Variants in DPP6 observed in about 807,000 individuals in gnomAD.
DPP6 encodes the protein dipeptidyl peptidase like 6.
DPP6 carries 69 observed loss-of-function variants against 122.6 expected under a neutral mutation model. That is an observed-to-expected ratio of 0.56 (90% confidence interval 0.46 to 0.69). The LOEUF (loss-of-function observed/expected upper bound fraction) is 0.69. DPP6 is among the 30% of genes least tolerant of loss of function. DPP6 has a pLI of 0.00. For missense variants in DPP6, 928 were observed against 1,116.9 expected (o/e 0.83, Z 2.41); for synonymous variants, 418 against 433.1 (o/e 0.97, Z 0.43).
intron 8 of DPP6, among the ~76,000 whole-genome samples, chr7:154,743,693 C>T (rs1842915015): frequency 6.6e-6 from 1 of 152,070 alleles, no homozygotes. Flanking sequence ...TCCAGGACCC[C>T]TGCATTACCA....
At chr7:154,313,712 T>TACATATATATATATATATATACGC (rs1554515586) in intron 1 of DPP6, among the ~76,000 whole-genome samples, 4 of 24,914 alleles carry the variant, frequency 1.6e-4, no homozygotes, top group African/African-American at 4.2e-4. Context: ...TATATATATA[T>TACATATATATATATATATATACGC]ATACACACAC....
intron 12 of DPP6, among the ~76,000 whole-genome samples, chr7:154,797,351 A>G (rs146755732): frequency 2.6e-5 from 4 of 152,238 alleles, no homozygotes; most frequent in African/African-American, 4.8e-5. Context: ...AATATTATAC[A>G]TATGTATGTG....
At chr7:154,235,108 T>C (rs79044305) in intron 1 of DPP6, among the ~76,000 whole-genome samples, 2,926 of 152,340 alleles carry the variant, frequency 0.019, 98 homozygotes, top group African/African-American at 0.067. Context: ...AATTGTGTAA[T>C]CATCACCACA....
At chr7:153,827,931 A>C in the DPP6 span, among the ~76,000 whole-genome samples, 1 of 152,328 alleles carries the variant, frequency 6.6e-6, no homozygotes, top group South Asian at 2.1e-4. Flanking sequence ...GGAGCCTAGT[A>C]GAGTCGGGAT....
chr7:154,707,640 T>C (rs1840910087), intron 7 of DPP6, among the ~76,000 whole-genome samples: 1 of 152,174 alleles, frequency 6.6e-6, no homozygotes, highest in South Asian at 2.1e-4. Context: ...ATCTTAAACC[T>C]CTCATTGATC....
chr7:154,334,234 C>A (rs969302460), intron 1 of DPP6, among the ~76,000 whole-genome samples: 5 of 151,626 alleles, frequency 3.3e-5, no homozygotes, highest in Non-Finnish European at 4.4e-5. Flanking sequence ...TGAGTGCTAG[C>A]TTTTCCTGAT....
Position 154,727,814 on chromosome 7 carries a change from A to G in DPP6, c.810A>G (p.Lys270=), listed in dbSNP as rs1368760005. Reference sequence around the variant, plus strand: ...TCTACTACTGTGCACATGTCGGGAAACAGGCCATCCGTGTGGTCTCCACTG... The same window carrying G: ...TCTACTACTGTGCACATGTCGGGAAGCAGGCCATCCGTGTGGTCTCCACTG... ...NNIYYCAHVG[K]QAIRVVSTGK... Residue 270 remains lysine (K), a synonymous_variant, in exon 8 of 26, where the codon AAA becomes AAG. Coordinates refer to ENST00000377770, the MANE Select transcript of DPP6 (RefSeq NM_130797.4). The G allele has an allele frequency of 1.2e-6, 2 of 1,613,848 alleles. No individual in the cohort carries two copies. Among genetic ancestry groups the G allele is most frequent in the Non-Finnish European group, 1.7e-6 (2 of 1,179,874 alleles).
At chr7:154,753,809 G>C (rs543824436) in intron 8 of DPP6, among the ~76,000 whole-genome samples, 2 of 152,084 alleles carry the variant, frequency 1.3e-5, no homozygotes, top group African/African-American at 4.8e-5. Context: ...TCCAAGAAGC[G>C]GCATGCGGAC....
At chr7:154,327,032 G>A (rs938798088) in intron 1 of DPP6, among the ~76,000 whole-genome samples, 58 of 152,132 alleles carry the variant, frequency 3.8e-4, no homozygotes, top group African/African-American at 1.4e-3. Context: ...AGACAGATAA[G>A]AGAGACGCCT....
chr7:153,862,730 A>G, the DPP6 span, among the ~76,000 whole-genome samples: 1 of 152,120 alleles, frequency 6.6e-6, no homozygotes, highest in Admixed American at 6.6e-5. Context: ...TTTTTTTAGT[A>G]TTTTAGGTTT....
At chr7:154,188,477 G>A (rs1474178857) in intron 1 of DPP6, among the ~76,000 whole-genome samples, 2 of 152,058 alleles carry the variant, frequency 1.3e-5, no homozygotes, top group Non-Finnish European at 2.9e-5. Context: ...GTGGGGGTGA[G>A]AGACAAATAG....
chr7:154,015,427 C>G (rs1798355729), intron 1 of DPP6, among the ~76,000 whole-genome samples: 1 of 152,094 alleles, frequency 6.6e-6, no homozygotes, highest in Non-Finnish European at 1.5e-5. Flanking sequence ...ACATGTCAAG[C>G]CTTGTCTCCG....
At chr7:154,114,076 T>G (rs1376462932) in intron 1 of DPP6, among the ~76,000 whole-genome samples, 2 of 151,702 alleles carry the variant, frequency 1.3e-5, no homozygotes, top group East Asian at 3.9e-4. Flanking sequence ...CAACCCAAAC[T>G]TTCTTATCTT....
chr7:154,833,343 A>G lies in DPP6; in HGVS notation c.1667-20437A>G, dbSNP rs567108735. On this transcript the variant is annotated intron_variant, in intron 16 of 25. Coordinates refer to ENST00000377770, the MANE Select transcript of DPP6 (RefSeq NM_130797.4). This position sits in a 1 kb window ranked among gnomAD's most constrained non-coding sequence, Gnocchi z 4.3. ...ACCATAAGGGCTGTAGGAAGCCAAG[A>G]AAAGGAGTGTTTGGTAACTGGTAAA... Among the ~76,000 whole-genome samples, 3 of 152,352 alleles carry G rather than the reference A, an allele frequency of 2.0e-5. No homozygotes were observed. In the South Asian group the frequency reaches 6.2e-4, roughly 32 times the overall value.
intron 1 of DPP6, among the ~76,000 whole-genome samples, chr7:154,109,733 T>C (rs1234642548): frequency 6.7e-6 from 1 of 149,938 alleles, no homozygotes; most frequent in Non-Finnish European, 1.5e-5. Context: ...GTAAGAATTT[T>C]GTGAGTTGCA....
intron 1 of DPP6, among the ~76,000 whole-genome samples, chr7:154,296,824 A>G (rs1350315086): frequency 6.6e-6 from 1 of 152,218 alleles, no homozygotes; most frequent in Non-Finnish European, 1.5e-5. Flanking sequence ...AGGAGATTCT[A>G]GTTCCTTAGA....
intron 1 of DPP6, among the ~76,000 whole-genome samples, chr7:154,382,060 C>T (rs1337908157): frequency 1.6e-5 from 2 of 128,082 alleles, no homozygotes; most frequent in Non-Finnish European, 3.1e-5. Flanking sequence ...TCAGAAACCC[C>T]CCTTTTTTTT....
intron 1 of DPP6, among the ~76,000 whole-genome samples, chr7:154,286,960 G>C (rs1454464472): frequency 6.6e-6 from 1 of 152,028 alleles, no homozygotes; most frequent in East Asian, 1.9e-4. Flanking sequence ...GCACTACCAT[G>C]CCCGGCTAAT....
Position 154,728,727 on chromosome 7 carries a change from G to T in DPP6, c.883+840G>T, listed in dbSNP as rs561333887. On this transcript the variant is annotated intron_variant, in intron 8 of 25. Coordinates refer to ENST00000377770, the MANE Select transcript of DPP6 (RefSeq NM_130797.4). ...CTGGGAAGTCCAAGATCAGGGTGCT[G>T]GCAGACCCACTGTCTGGTGAGGGCT... Among the ~76,000 whole-genome samples the T allele has an allele frequency of 1.5e-3, 232 of 152,286 alleles. 2 individuals are homozygous for T. The highest frequency in any genetic ancestry group is 5.0e-3 in the African/African-American group (208 of 41,560).
Sources: gnomAD v4.1 joint callset for allele counts (sites outside exome capture counted in the v4.1 genomes callset) on GRCh38, gnomAD v4.1.1 for gene constraint, Gnocchi (gnomAD v3.1) non-coding constraint, MANE v1.5 for transcripts, NCBI Gene and HGNC (gene_info 2026-07-23, HGNC 2026-07-21) for gene names.